The following CDH23 variants were observed in gnomAD, a reference collection of about 807,000 sequenced individuals.
CDH23 encodes cadherin related 23.
Under a neutral mutation model 317.1 loss-of-function variants are expected in CDH23, and 189 were observed. That is an observed-to-expected ratio of 0.60 (90% CI 0.53 to 0.67). CDH23 has a LOEUF of 0.67. Ranked by LOEUF, CDH23 falls within the 30% of genes least tolerant of loss-of-function variation. The probability of loss-of-function intolerance (pLI) is 0.00; values close to 1 mark genes in which losing one functional copy is unlikely to be tolerated. For synonymous variants in CDH23, 1,839 were observed against 1,876.8 expected (o/e 0.98, Z 0.52); for missense variants, 4,401 against 4,592.4 (o/e 0.96, Z 1.20).
In CDH23 at chr10:71,414,047, T is replaced by TTGTGTGTGTGTG. The variant is rs34017042; in HGVS notation, c.-6+16755_-6+16766dup. Among the ~76,000 whole-genome samples the TTGTGTGTGTGTG allele has an allele frequency of 9.1e-3, 1,296 of 142,966 alleles. 26 individuals carry two copies. Among genetic ancestry groups the TTGTGTGTGTGTG allele is most frequent in the African/African-American group, 0.014 (550 of 38,218 alleles). 93.8% of individuals were successfully genotyped at this position (142,966 alleles called of 152,430 possible). On this transcript the variant is annotated intron_variant, in intron 1 of 69. Transcript: ENST00000224721. ...TGCTGAATTTATTAGCTCCTGGGTT[T>TTGTGTGTGTGTG]TGTGTGTGTGTGTGTGTGTGTGTGT...
chr10:71,590,607 G>A (rs1859402780), intron 9 of CDH23, among the ~76,000 whole-genome samples: 1 of 152,210 alleles, frequency 6.6e-6, no homozygotes, highest in Non-Finnish European at 1.5e-5. Flanking sequence ...TATAATGACA[G>A]TGGTAGTACC....
rs542618168 is a variant in CDH23, at chr10:71,741,921, G to A, written c.4845G>A (p.Ser1615=). ...TVEDEGTPTL[S]ATTHVYVTIV... ...AGGACGAGGGCACCCCAACCCTGTC[G>A]GTGAGCGATGGGGGTGGCCACAGGG... is the stretch of plus-strand genomic sequence containing the variant. Residue 1615 remains serine (S), a splice_region_variant and synonymous_variant, in exon 38 of 70, where the codon TCG becomes TCA. Transcript: ENST00000224721. 12 of 1,584,436 alleles carry A rather than the reference G, an allele frequency of 7.6e-6. No individual in the cohort carries two copies. The highest frequency in any genetic ancestry group is 2.3e-5 in the East Asian group (1 of 43,666).
At chr10:71,799,011 C>A in intron 50 of CDH23, 100 bp from the exon 51 acceptor site, 9 of 1,183,524 alleles carry the variant, frequency 7.6e-6, no homozygotes, top group Non-Finnish European at 1.1e-5. Flanking sequence ...TTCAAGTGAC[C>A]ACAGCTGCCC....
At chr10:71,515,331 T>C (rs1422897341) in intron 6 of CDH23, among the ~76,000 whole-genome samples, 1 of 149,944 alleles carries the variant, frequency 6.7e-6, no homozygotes, top group Non-Finnish European at 1.5e-5. Flanking sequence ...ATAGAGCCAA[T>C]TCAATGGCAA....
At chr10:71,631,072 C>T (rs1479864788) in intron 11 of CDH23, among the ~76,000 whole-genome samples, 1 of 152,150 alleles carries the variant, frequency 6.6e-6, no homozygotes, top group East Asian at 1.9e-4. Flanking sequence ...ACTGAGACCC[C>T]CATCTCTACA....
chr10:71,620,753 C>A (rs996728714), intron 11 of CDH23, among the ~76,000 whole-genome samples: 1 of 152,214 alleles, frequency 6.6e-6, no homozygotes, highest in African/African-American at 2.4e-5. Context: ...TGAGGAGAGG[C>A]AGCCCAGGAG....
intron 1 of CDH23, among the ~76,000 whole-genome samples, chr10:71,403,100 C>T (rs1158289962): frequency 2.6e-5 from 4 of 151,852 alleles, no homozygotes; most frequent in Admixed American, 6.6e-5. Context: ...CCAGCCTGGG[C>T]GACAGAGCCA....
chr10:71,572,407 T>C (rs543025089), intron 8 of CDH23, among the ~76,000 whole-genome samples: 9 of 152,200 alleles, frequency 5.9e-5, no homozygotes, highest in African/African-American at 1.9e-4. Flanking sequence ...ATCTCCTGAG[T>C]GGTCAGCACT....
chr10:71,412,826 G>A (rs145538740), intron 1 of CDH23, among the ~76,000 whole-genome samples: 128 of 152,232 alleles, frequency 8.4e-4, no homozygotes, highest in African/African-American at 3.0e-3. Flanking sequence ...TTTGAATTGG[G>A]TTGTTTGTCT....
At chr10:71,413,316 G>A (rs1021161556) in intron 1 of CDH23, among the ~76,000 whole-genome samples, 2 of 151,978 alleles carry the variant, frequency 1.3e-5, no homozygotes, top group African/African-American at 2.4e-5. Flanking sequence ...CTAGGCTCTC[G>A]GTTCTGTTCC....
At chr10:71,446,514 T>C (rs1438979142) in intron 3 of CDH23, 119 bp downstream of exon 3, 5 of 1,063,544 alleles carry the variant, frequency 4.7e-6, no homozygotes, top group Non-Finnish European at 7.1e-6. Context: ...ATCTTTTCCA[T>C]TGTGTAGAAA....
Position 71,577,948 on chromosome 10 carries a change from AG to A in CDH23, c.790del (p.Asp264IlefsTer30). On this transcript the variant is annotated frameshift_variant, in exon 9 of 70. Coordinates refer to ENST00000224721, the MANE Select transcript of CDH23 (RefSeq NM_022124.6). LOFTEE classifies it high-confidence loss of function. ...TTVRIITAID[Q>X]DKGRPRGIGY... The stretch of plus-strand genomic sequence containing the variant: ...GTGCGCATCATCACCGCCATAGACC[AG>A]GATAAAGGACGTCCCCGGGGCATTG... 1 of 1,605,922 alleles carries A rather than the reference AG, an allele frequency of 6.2e-7. No individual in the cohort carries two copies.
At chr10:71,802,483 A>G (rs1278761054) in intron 53 of CDH23, among the ~76,000 whole-genome samples, 1 of 152,152 alleles carries the variant, frequency 6.6e-6, no homozygotes, top group East Asian at 1.9e-4. Context: ...CGCAGTCAAG[A>G]GAACCTTGGG....
At chr10:71,475,662 G>A (rs185613921) in intron 3 of CDH23, among the ~76,000 whole-genome samples, 8 of 152,294 alleles carry the variant, frequency 5.3e-5, no homozygotes, top group Admixed American at 5.2e-4. Context: ...CCCGTCCCCT[G>A]CTGGCTTTGC....
chr10:71,615,759 C>T, intron 10 of CDH23, 143 bp downstream of exon 10: 2 of 635,010 alleles, frequency 3.1e-6, no homozygotes, highest in Non-Finnish European at 5.5e-6. Context: ...TGCACTGCCT[C>T]CCGGGGCTGT....
At chr10:71,709,031 G>A (rs994882801) in intron 26 of CDH23, 67 bp from the exon 27 acceptor site, 1 of 1,435,628 alleles carries the variant, frequency 7.0e-7, no homozygotes, top group Non-Finnish European at 9.8e-7. Flanking sequence ...CTCAGGAGCA[G>A]AGTCCCCGCT....
intron 26 of CDH23, among the ~76,000 whole-genome samples, chr10:71,708,476 A>G (rs115135876): frequency 6.6e-6 from 1 of 152,210 alleles, no homozygotes; most frequent in South Asian, 2.1e-4. Flanking sequence ...ACTCCCGTCC[A>G]CCGCGAGAGG....
chr10:71,545,634 A>C (rs987023505), intron 6 of CDH23, among the ~76,000 whole-genome samples: 1 of 152,228 alleles, frequency 6.6e-6, no homozygotes, highest in African/African-American at 2.4e-5. Flanking sequence ...CTGGGGACGC[A>C]GCCAAACAAA....
Position 71,798,453 on chromosome 10 carries a change from C to A in CDH23, c.6929C>A (p.Thr2310Asn). 8 of 1,613,988 alleles carry A rather than the reference C, an allele frequency of 5.0e-6. No individual in the cohort carries two copies. Among genetic ancestry groups the A allele is most frequent in the Non-Finnish European group, 6.8e-6 (8 of 1,179,852 alleles). ...YYMERILEGA[T>N]PGTTLIAVAA... ...ATGGAGCGGATCCTGGAGGGGGCCA[C>A]CCCTGGGACCACACTCATTGCTGTG... Residue 2310 changes from threonine to asparagine, a missense_variant, in exon 50 of 70, where the codon ACC (threonine) becomes AAC (asparagine). By Grantham distance (65) the Thr-to-Asn change is moderately conservative. This residue lies in a region of CDH23 where 3,068 missense variants were observed against 3,203.3 expected (regional missense o/e 0.96). Transcript: ENST00000224721.
Sources: gnomAD v4.1 joint callset for allele counts (sites outside exome capture counted in the v4.1 genomes callset) on GRCh38, gnomAD v4.1.1 for gene constraint, gnomAD v4.1.1 regional missense constraint, MANE v1.5 for transcripts, NCBI Gene and HGNC (gene_info 2026-07-23, HGNC 2026-07-21) for gene names.